Variants in MGAT5 observed in about 807,000 individuals in gnomAD.
MGAT5 encodes alpha-1,6-mannosylglycoprotein 6-beta-N-acetylglucosaminyltransferase, also known as alpha-1,6-mannosylglycoprotein 6-beta-N-acetylglucosaminyltransferase A.
Under a neutral mutation model 94.3 loss-of-function variants are expected in MGAT5, and 30 were observed. The observed-to-expected ratio is 0.32, with a 90% CI of 0.24 to 0.43. The LOEUF (loss-of-function observed/expected upper bound fraction) is 0.43. Ranked by LOEUF, MGAT5 falls within the 20% of genes least tolerant of loss-of-function variation. MGAT5 has a pLI of 1.00. For synonymous variants in MGAT5, 310 were observed against 322.9 expected, an observed-to-expected ratio of 0.96 and a Z score of 0.43; for missense variants, 691 against 905.5, an observed-to-expected ratio of 0.76 and a Z score of 3.04.
chr2:134,422,933 A>G lies in MGAT5; in HGVS notation c.1794+14A>G, dbSNP rs184119103. The G allele has an allele frequency of 6.5e-5, 103 of 1,583,838 alleles. No individual in the cohort carries two copies. The highest frequency in any genetic ancestry group is 1.1e-4 in the South Asian group (10 of 90,400). ...TTAAATCAGAAGGTTGGTTCATTTTATTCCACTTTCCCTCCTTTCTAATGT... is the reference window on the plus strand; with the variant it reads ...TTAAATCAGAAGGTTGGTTCATTTTGTTCCACTTTCCCTCCTTTCTAATGT... On this transcript the variant is annotated intron_variant, in intron 13 of 15. Transcript: ENST00000281923.
Position 134,224,679 on chromosome 2 carries a change from T to C in MGAT5, c.-142-29583T>C, listed in dbSNP as rs540350728. On this transcript the variant is annotated intron_variant, in intron 1 of 16. Coordinates refer to the MGAT5 transcript ENST00000409645. ...CTATGACATCCAAAAAAAGCTATGG[T>C]AGAGAGTTTTCTGCCTGTACCAATT... 8.3e-4 allele frequency among the ~76,000 whole-genome samples: 126 copies of C among 152,222 alleles called. 1 individual carries two copies. The highest frequency in any genetic ancestry group is 6.8e-3 in the Middle Eastern group (2 of 294).
chr2:134,290,136 G>A (rs1217947562), intron 2 of MGAT5, among the ~76,000 whole-genome samples: 1 of 152,184 alleles, frequency 6.6e-6, no homozygotes, highest in Non-Finnish European at 1.5e-5. Flanking sequence ...GTATTTGATA[G>A]TCCTACTCGT....
At chr2:134,290,736 A>G (rs1394268572) in intron 2 of MGAT5, among the ~76,000 whole-genome samples, 1 of 152,196 alleles carries the variant, frequency 6.6e-6, no homozygotes, top group Non-Finnish European at 1.5e-5. Flanking sequence ...GGTGTCTGCT[A>G]TGAGTAGAGA....
Position 134,372,397 on chromosome 2 carries a change from T to C in MGAT5, c.1380+9989T>C, listed in dbSNP as rs370022514. ...AACATGGTTATGGGTTTCAGTGATA[T>C]ATCTCTCAAGAATGCTTATCTTTTA... On this transcript the variant is annotated intron_variant, in intron 10 of 15. Transcript: ENST00000281923. Among the ~76,000 whole-genome samples, 200 of 152,330 alleles carry C rather than the reference T, an allele frequency of 1.3e-3. 1 individual carries two copies. Among genetic ancestry groups the C allele is most frequent in the African/African-American group, 4.6e-4 (19 of 41,570 alleles).
At chr2:134,293,293 G>A (rs1685482873) in intron 2 of MGAT5, among the ~76,000 whole-genome samples, 1 of 152,120 alleles carries the variant, frequency 6.6e-6, no homozygotes, top group Non-Finnish European at 1.5e-5. Context: ...CAGGCACTAG[G>A]CTGGTTACTT....
chr2:134,422,055 G>A (rs1684333873), intron 12 of MGAT5, among the ~76,000 whole-genome samples: 1 of 152,024 alleles, frequency 6.6e-6, no homozygotes, highest in African/African-American at 2.4e-5. Context: ...GTGCACATCT[G>A]TAGTCCCAAC....
intron 1 of MGAT5, among the ~76,000 whole-genome samples, chr2:134,209,034 C>G (rs1346950482): frequency 6.6e-6 from 1 of 152,094 alleles, no homozygotes; most frequent in Non-Finnish European, 1.5e-5. Context: ...ACCCAGACCT[C>G]ACTTCCCCTG....
intron 1 of MGAT5, among the ~76,000 whole-genome samples, chr2:134,142,617 T>C (rs926783275): frequency 6.6e-6 from 1 of 152,224 alleles, no homozygotes; most frequent in Non-Finnish European, 1.5e-5. Flanking sequence ...CAAAGGGCAC[T>C]GGGGAGCCAA....
intron 1 of MGAT5, among the ~76,000 whole-genome samples, chr2:134,153,971 A>T (rs746778347): frequency 6.6e-6 from 1 of 152,124 alleles, no homozygotes; most frequent in Non-Finnish European, 1.5e-5. Context: ...GCAGGGCTGT[A>T]GCTCTTTGTT....
intron 4 of MGAT5, among the ~76,000 whole-genome samples, chr2:134,328,733 G>A (rs922662650): frequency 6.6e-6 from 1 of 151,924 alleles, no homozygotes; most frequent in African/African-American, 2.4e-5. Context: ...ATGCAGATGG[G>A]GCAGCAAACA....
intron 1 of MGAT5, among the ~76,000 whole-genome samples, chr2:134,164,594 T>C (rs908366232): frequency 6.6e-6 from 1 of 152,154 alleles, no homozygotes. Flanking sequence ...ACTATGATTT[T>C]CTCTTAGTGC....
intron 10 of MGAT5, among the ~76,000 whole-genome samples, chr2:134,381,990 T>C (rs546578833): frequency 1.1e-4 from 16 of 152,330 alleles, no homozygotes; most frequent in South Asian, 1.0e-3. Context: ...GTTTGGGTTT[T>C]CAGGAATTGA....
At position 134,270,568 on chromosome 2, in the gene MGAT5, C is replaced by G. The variant is rs1683970054; in HGVS notation, c.406+18C>G. 1 of 1,613,574 alleles carries G rather than the reference C, an allele frequency of 6.2e-7. No individual in the cohort carries two copies. Among genetic ancestry groups the G allele is most frequent in the Non-Finnish European group, 8.5e-7 (1 of 1,179,624 alleles). On this transcript the variant is annotated intron_variant, in intron 2 of 15. Transcript: ENST00000281923. ...TGTGGCAGGTAAAAATAGCAATTCT[C>G]TGCCCTGATATGGAGTCACACCCTG... is the stretch of plus-strand genomic sequence containing the variant.
chr2:134,366,247 A>G (rs1195263505), intron 10 of MGAT5, among the ~76,000 whole-genome samples: 1 of 152,230 alleles, frequency 6.6e-6, no homozygotes, highest in East Asian at 1.9e-4. Flanking sequence ...TCTTTTAAAT[A>G]AAGTCATCAG....
intron 1 of MGAT5, among the ~76,000 whole-genome samples, chr2:134,151,664 A>AC (rs1558958624): frequency 6.4e-5 from 6 of 93,294 alleles, no homozygotes; most frequent in Non-Finnish European, 1.2e-4. Flanking sequence ...GACCTCACTC[A>AC]TGCCCTGTGG....
At chr2:134,439,526 G>C (rs980152906) in intron 14 of MGAT5, among the ~76,000 whole-genome samples, 1 of 152,110 alleles carries the variant, frequency 6.6e-6, no homozygotes, top group Non-Finnish European at 1.5e-5. Context: ...GCAAAACCTC[G>C]TCTCTACTAA....
Position 134,451,675 on chromosome 2 carries a change from G to A in MGAT5, c.*2828G>A, listed in dbSNP as rs138380145. On this transcript the variant is annotated 3_prime_UTR_variant, in exon 16 of 16. Coordinates refer to ENST00000281923, the MANE Select transcript of MGAT5 (RefSeq NM_002410.5). ...TAAGTTATGATTAATGTTTTTCCCC[G>A]CTATAATATCTTGCCTGTTTTTTTG... The A allele has an allele frequency of 1.2e-4, 18 of 152,282 alleles. No homozygotes were observed. Among genetic ancestry groups the A allele is most frequent in the East Asian group, 9.6e-4 (5 of 5,186 alleles). The allele number at this position is 152,282 out of a possible 1,614,324, so 9.4% of individuals were successfully genotyped here.
intron 1 of MGAT5, among the ~76,000 whole-genome samples, chr2:134,212,501 C>T (rs1297865897): frequency 7.7e-6 from 1 of 129,486 alleles, no homozygotes; most frequent in South Asian, 2.8e-4. Context: ...AGTTGAGCGG[C>T]TTTGAGTGAG....
intron 1 of MGAT5, among the ~76,000 whole-genome samples, chr2:134,204,469 G>A (rs539356937): frequency 6.6e-6 from 1 of 152,254 alleles, no homozygotes; most frequent in Non-Finnish European, 1.5e-5. Context: ...TTAAGTGAGG[G>A]CGTTGGCTAG....
Sources: gnomAD v4.1 joint callset for allele counts (sites outside exome capture counted in the v4.1 genomes callset) on GRCh38, gnomAD v4.1.1 for gene constraint, MANE v1.5 for transcripts, NCBI Gene and HGNC (gene_info 2026-07-23, HGNC 2026-07-21) for gene names.